THADA: variants seen among roughly 807,000 people sequenced by gnomAD.
THADA encodes the protein tRNA (32-2'-O)-methyltransferase regulator THADA.
A neutral mutation model predicts 219.8 loss-of-function variants in THADA; 213 were observed. The observed-to-expected ratio is 0.97, with a 90% CI of 0.87 to 1.09. The LOEUF (loss-of-function observed/expected upper bound fraction) is 1.09, where lower values mean the gene tolerates loss of function less well. Among genes scored for constraint, THADA ranks in the 50% least tolerant of loss-of-function variants. The pLI, the probability that THADA is intolerant of heterozygous loss-of-function variation, is 0.00. For missense variants in THADA, 2,956 were observed against 2,311.3 expected (o/e 1.28, Z -5.72); for synonymous variants, 1,018 against 828.9 (o/e 1.23, Z -3.92).
chr2:43,267,688 A>T (rs142088009), intron 36 of THADA, among the ~76,000 whole-genome samples: 2 of 152,156 alleles, frequency 1.3e-5, no homozygotes, highest in Admixed American at 1.3e-4. Context: ...TGGCACTGCC[A>T]TCTGGGGCCA....
intron 30 of THADA, among the ~76,000 whole-genome samples, chr2:43,334,764 G>A (rs1666207716): frequency 6.6e-6 from 1 of 151,136 alleles, no homozygotes; most frequent in South Asian, 2.1e-4. Flanking sequence ...GACAGAGCGA[G>A]ACTCCGTCTC....
chr2:43,420,706 C>G (rs1677598939), intron 28 of THADA, among the ~76,000 whole-genome samples: 1 of 152,220 alleles, frequency 6.6e-6, no homozygotes, highest in African/African-American at 2.4e-5. Flanking sequence ...TTAAAGAGAT[C>G]TGGCACCAGA....
chr2:43,433,463 A>G (rs1051582581), intron 26 of THADA, among the ~76,000 whole-genome samples: 2 of 151,960 alleles, frequency 1.3e-5, no homozygotes, highest in African/African-American at 4.8e-5. Flanking sequence ...TGGGAGGCAG[A>G]GGTTGCAGCG....
intron 21 of THADA, 90 bp from the exon 22 acceptor site, chr2:43,528,078 A>T: frequency 3.1e-5 from 20 of 637,140 alleles, no homozygotes; most frequent in East Asian, 8.0e-5. Flanking sequence ...ACCCAGGTCT[A>T]GGGGTCCATT....
intron 3 of THADA, 51 bp downstream of exon 3, chr2:43,591,901 A>T (rs1701621272): frequency 8.1e-7 from 1 of 1,236,830 alleles, no homozygotes; most frequent in Non-Finnish European, 1.1e-6. Flanking sequence ...TTAAATCCTT[A>T]ATAGCATGAT....
At chr2:43,304,081 A>G (rs1389817831) in intron 31 of THADA, among the ~76,000 whole-genome samples, 2 of 152,172 alleles carry the variant, frequency 1.3e-5, no homozygotes, top group African/African-American at 4.8e-5. Flanking sequence ...TTTGTACACC[A>G]TGGCCCTTCA....
At chr2:43,533,130 T>C (rs1455013011) in intron 21 of THADA, among the ~76,000 whole-genome samples, 2 of 152,098 alleles carry the variant, frequency 1.3e-5, no homozygotes, top group African/African-American at 4.8e-5. Flanking sequence ...CTAACAAATA[T>C]ATGAAAAAAG....
intron 15 of THADA, chr2:43,566,474 T>C (rs774353861): frequency 6.9e-6 from 5 of 720,238 alleles, no homozygotes; most frequent in Admixed American, 6.0e-5. Context: ...CCATGAAAAT[T>C]ATACTTTGGG....
chr2:43,566,643 A>G (rs1426624680), intron 15 of THADA, 55 bp downstream of exon 15: 1 of 1,572,586 alleles, frequency 6.4e-7, no homozygotes, highest in Non-Finnish European at 8.7e-7. Context: ...ATGTAGAATA[A>G]GTATGTTTTG....
intron 21 of THADA, among the ~76,000 whole-genome samples, chr2:43,538,112 CT>C (rs1558932504): frequency 2.6e-5 from 4 of 152,180 alleles, no homozygotes; most frequent in Middle Eastern, 3.4e-3. Context: ...TACATATAAA[CT>C]TAAGTTCATA....
At chr2:43,280,590 C>T (rs1172312242) in intron 35 of THADA, among the ~76,000 whole-genome samples, 1 of 152,142 alleles carries the variant, frequency 6.6e-6, no homozygotes, top group Non-Finnish European at 1.5e-5. Context: ...TGAGATCGTG[C>T]CACTGCACTC....
chr2:43,512,517 T>C (rs1690619558), intron 22 of THADA, among the ~76,000 whole-genome samples: 2 of 152,230 alleles, frequency 1.3e-5, no homozygotes, highest in South Asian at 4.2e-4. Flanking sequence ...TTGTTTTGTT[T>C]TTGAGACGAA....
chr2:43,408,036 AAT>A (rs1447748754), intron 28 of THADA, among the ~76,000 whole-genome samples: 2 of 152,228 alleles, frequency 1.3e-5, no homozygotes, highest in East Asian at 1.9e-4. Context: ...TGGTAGTCTA[AAT>A]ATGTTTCCTA....
chr2:43,360,508 G>A (rs57854119), intron 29 of THADA, among the ~76,000 whole-genome samples: 8 of 152,304 alleles, frequency 5.3e-5, no homozygotes, highest in African/African-American at 1.9e-4. Context: ...CTAGCCTACT[G>A]ACATGTCAGG....
intron 19 of THADA, among the ~76,000 whole-genome samples, chr2:43,550,690 G>A (rs765232776): frequency 3.4e-4 from 52 of 152,132 alleles, no homozygotes; most frequent in African/African-American, 8.2e-4. Context: ...TCCTCTGTAG[G>A]ATCTACCCAC....
At chr2:43,357,826 G>A (rs1373793158) in intron 29 of THADA, among the ~76,000 whole-genome samples, 1 of 152,196 alleles carries the variant, frequency 6.6e-6, no homozygotes, top group South Asian at 2.1e-4. Context: ...TTAATTGGGG[G>A]AGTGGGATTT....
chr2:43,415,786 C>T (rs1676876571), intron 28 of THADA, among the ~76,000 whole-genome samples: 1 of 152,134 alleles, frequency 6.6e-6, no homozygotes, highest in South Asian at 2.1e-4. Flanking sequence ...AAGGAAGCTG[C>T]TCTGCTGGCT....
At chr2:43,560,009 A>G (rs781345735) in intron 16 of THADA, among the ~76,000 whole-genome samples, 6 of 152,206 alleles carry the variant, frequency 3.9e-5, no homozygotes, top group Non-Finnish European at 8.8e-5. Context: ...TATCAAAGCA[A>G]TAAAAACAGC....
chr2:43,582,701 C>A (rs1700590761), intron 7 of THADA, among the ~76,000 whole-genome samples: 1 of 150,712 alleles, frequency 6.6e-6, no homozygotes. Flanking sequence ...TCCCAAGTAG[C>A]TGGGATTACA....
Sources: gnomAD v4.1 joint callset for allele counts (sites outside exome capture counted in the v4.1 genomes callset) on GRCh38, gnomAD v4.1.1 for gene constraint, MANE v1.5 for transcripts, NCBI Gene and HGNC (gene_info 2026-07-23, HGNC 2026-07-21) for gene names.